The following ATP8B3 variants were observed in gnomAD, a reference collection of about 807,000 sequenced individuals.
ATP8B3 encodes the protein ATPase phospholipid transporting 8B3.
ATP8B3 carries 141 observed loss-of-function variants against 140.9 expected under a neutral mutation model. The observed-to-expected ratio is 1.00, with a 90% CI of 0.87 to 1.15. ATP8B3 has a LOEUF of 1.15. ATP8B3 is among the 50% of genes most tolerant of loss of function. ATP8B3 has a pLI of 0.00. For synonymous variants in ATP8B3, 765 were observed against 714.6 expected, an observed-to-expected ratio of 1.07 and a Z score of -1.13; for missense variants, 1,874 against 1,740.6, an observed-to-expected ratio of 1.08 and a Z score of -1.36.
At position 1,806,432 on chromosome 19, in the gene ATP8B3, G is replaced by C. The variant is rs962345965; in HGVS notation, c.677+196C>G. On this transcript the variant is annotated intron_variant, in intron 7 of 28. Transcript: ENST00000310127. The surrounding 1 kb of genome is among the most constrained non-coding windows in gnomAD (Gnocchi z 5.6). ...TCGCCCGAGCCCTAAGCTCTGCAAGGGTTCGCCATCAGGGCCTCGGCCTCT... is the reference window on the plus strand; with the variant it reads ...TCGCCCGAGCCCTAAGCTCTGCAAGCGTTCGCCATCAGGGCCTCGGCCTCT... 24 of 1,449,308 alleles carry C rather than the reference G, an allele frequency of 1.7e-5. No homozygotes were observed. The highest frequency in any genetic ancestry group is 2.2e-5 in the Non-Finnish European group (24 of 1,107,396). The allele number at this position is 1,449,308 out of a possible 1,614,324, so 89.8% of individuals were successfully genotyped here.
At chr19:1,793,846 G>C (rs577481593) in intron 18 of ATP8B3, among the ~76,000 whole-genome samples, 1 of 152,092 alleles carries the variant, frequency 6.6e-6, no homozygotes, top group Non-Finnish European at 1.5e-5. Flanking sequence ...GGGTTCAAGC[G>C]ATTCTCCTGC....
Position 1,792,062 on chromosome 19 carries a change from C to T in ATP8B3, c.2129G>A (p.Trp710Ter), listed in dbSNP as rs2068528969. The change falls in exon 19 of 29, where the codon TGG (tryptophan) becomes TAG (stop). Residue 710 changes from tryptophan to a stop codon, truncating the protein, a stop_gained. Coordinates refer to ENST00000310127, the MANE Select transcript of ATP8B3 (RefSeq NM_138813.4). LOFTEE classifies it high-confidence loss of function. ...GCTGGCCTCCTGGTGGCGCTGCTGC[C>T]AGTCCTCGTAAATGTCCTCAGCCAC... ...REVAEDIYEDWQQRHQEASLL... is the reference protein window; with the variant it reads ...REVAEDIYED 1 of 1,562,548 alleles carries T rather than the reference C, an allele frequency of 6.4e-7. No individual in the cohort carries two copies. The highest frequency in any genetic ancestry group is 8.7e-7 in the Non-Finnish European group (1 of 1,155,032).
rs375828266 is a variant in ATP8B3, at chr19:1,789,994, G to C, written c.2379-5C>G. 6 of 1,605,620 alleles carry C rather than the reference G, an allele frequency of 3.7e-6. No individual in the cohort carries two copies. The highest frequency in any genetic ancestry group is 5.1e-6 in the Non-Finnish European group (6 of 1,174,410). On this transcript the variant is annotated splice_region_variant and splice_polypyrimidine_tract_variant and intron_variant, in intron 21 of 28. Coordinates refer to ENST00000310127, the MANE Select transcript of ATP8B3 (RefSeq NM_138813.4). ...CAGTAGGTCTCCAGGATGCGGCTGC[G>C]GGGCGCAGGGGTCAGCGGGGCAGGG... is the stretch of plus-strand genomic sequence containing the variant.
At position 1,806,339 on chromosome 19, in the gene ATP8B3, A is replaced by T; in HGVS notation, c.678-170T>A. The T allele has an allele frequency of 3.4e-6, 5 of 1,460,090 alleles. No individual in the cohort carries two copies. The highest frequency in any genetic ancestry group is 4.5e-6 in the Non-Finnish European group (5 of 1,112,020). The allele number at this position is 1,460,090 out of a possible 1,614,324, so 90.4% of individuals were successfully genotyped here. A position where few individuals can be genotyped will look rare whatever the true frequency, so the allele number is the denominator to read the frequency against. On this transcript the variant is annotated intron_variant, in intron 7 of 28. Transcript: ENST00000310127. The surrounding 1 kb of genome is among the most constrained non-coding windows in gnomAD (Gnocchi z 5.6). ...CTCCCACCCCACTCCCCGCGGGTCC[A>T]CGCTCCCACCCAGTGACCTCCAGGG...
rs190621163 is a variant in ATP8B3 at position 1,786,490 on chromosome 19, C to T, written c.3153+613G>A. The stretch of plus-strand genomic sequence containing the variant: ...CTGAGGCAGGAGAATCGCTTGAACC[C>T]GGGAGGCAGAGGTTGCAGTGAGCTG... On this transcript the variant is annotated intron_variant, in intron 25 of 28. Transcript: ENST00000310127. Among the ~76,000 whole-genome samples the T allele has an allele frequency of 3.0e-3, 455 of 151,380 alleles. 6 individuals carry two copies. The East Asian group carries it at 0.045, about 15-fold the overall frequency.
At chr19:1,791,027 G>A (rs539708190) in intron 20 of ATP8B3, among the ~76,000 whole-genome samples, 195 bp from the exon 21 acceptor site, 2 of 152,336 alleles carry the variant, frequency 1.3e-5, no homozygotes, top group African/African-American at 4.8e-5. Flanking sequence ...GATTTTGGCT[G>A]TAGTTCTGGC....
Position 1,802,055 on chromosome 19 carries a change from G to A in ATP8B3, c.1064-11C>T. ...TTTTTGTGTCAAAACCTACAAACATGTATCCATCTATCCACCCACCCACCC... is the reference window on the plus strand; with the variant it reads ...TTTTTGTGTCAAAACCTACAAACATATATCCATCTATCCACCCACCCACCC... On this transcript the variant is annotated splice_polypyrimidine_tract_variant and intron_variant, in intron 11 of 28. Coordinates refer to ENST00000310127, the MANE Select transcript of ATP8B3 (RefSeq NM_138813.4). 1 of 1,594,970 alleles carries A rather than the reference G, an allele frequency of 6.3e-7. No homozygotes were observed. The highest frequency in any genetic ancestry group is 8.5e-7 in the Non-Finnish European group (1 of 1,172,382).
chr19:1,806,389 CTT>C lies in ATP8B3; in HGVS notation c.678-222_678-221del. 6.9e-7 allele frequency: 1 copy of C among 1,443,914 alleles called. No individual in the cohort carries two copies. The highest frequency in any genetic ancestry group is 1.5e-5 in the South Asian group (1 of 67,934). The allele number at this position is 1,443,914 out of a possible 1,614,324, so 89.4% of individuals were successfully genotyped here. On this transcript the variant is annotated intron_variant, in intron 7 of 28. Coordinates refer to ENST00000310127, the MANE Select transcript of ATP8B3 (RefSeq NM_138813.4). The surrounding 1 kb of genome is among the most constrained non-coding windows in gnomAD (Gnocchi z 5.6). ...GTCCTGCACCCACGTCCTCTTCAGA[CTT>C]TCCTTGTCCTCCCCATCGCCCGAGC... is the stretch of plus-strand genomic sequence containing the variant.
In ATP8B3 at chr19:1,806,753, G is replaced by A. The variant is rs1381456252; in HGVS notation, c.616-64C>T. On this transcript the variant is annotated intron_variant, in intron 6 of 28. Coordinates refer to ENST00000310127, the MANE Select transcript of ATP8B3 (RefSeq NM_138813.4). This position sits in a 1 kb window ranked among gnomAD's most constrained non-coding sequence, Gnocchi z 5.6. Reference sequence around the variant, plus strand: ...CTCTCCTGCCCCCGCCCAGGCCGCTGCCGCACTGCAGCCCAGCAGTGCCCG... The same window carrying A: ...CTCTCCTGCCCCCGCCCAGGCCGCTACCGCACTGCAGCCCAGCAGTGCCCG... 14 of 1,520,026 alleles carry A rather than the reference G, an allele frequency of 9.2e-6. No homozygotes were observed. Among genetic ancestry groups the A allele is most frequent in the Non-Finnish European group, 1.2e-5 (14 of 1,120,232 alleles). The allele number at this position is 1,520,026 out of a possible 1,614,324, so 94.2% of individuals were successfully genotyped here.
rs148438298 is a variant in ATP8B3 at position 1,799,846 on chromosome 19, G to A, written c.1552+101C>T. On this transcript the variant is annotated intron_variant, in intron 14 of 28. Coordinates refer to ENST00000310127, the MANE Select transcript of ATP8B3 (RefSeq NM_138813.4). ...CGGTTCCCTGGTTCAGATTCGGGCG[G>A]AGGTGCTGGGCATGGGGCCAGACGT... 2.0e-4 allele frequency: 234 copies of A among 1,198,824 alleles called. 1 individual carries two copies. The African/African-American group carries it at 3.2e-3, about 16-fold the overall frequency. The allele number at this position is 1,198,824 out of a possible 1,614,324, so 74.3% of individuals were successfully genotyped here.
At position 1,805,943 on chromosome 19, in the gene ATP8B3, G is replaced by A. The variant is rs1447680819; in HGVS notation, c.766C>T (p.Leu256=). ...AGGCTGCTGGGCTCCGTGCTGGCCAGCAAGAGCATGTCGGCCTGGTGTGGA... is the reference window on the plus strand; with the variant it reads ...AGGCTGCTGGGCTCCGTGCTGGCCAACAAGAGCATGTCGGCCTGGTGTGGA... The part of the protein sequence containing the change: ...DNIVPADMLL[L]ASTEPSSLCY... Residue 256 remains leucine, a synonymous_variant, in exon 9 of 29, where the codon CTG becomes TTG. Coordinates refer to ENST00000310127, the MANE Select transcript of ATP8B3 (RefSeq NM_138813.4). This position sits in a 1 kb window ranked among gnomAD's most constrained non-coding sequence, Gnocchi z 5.2. 6.2e-7 allele frequency: 1 copy of A among 1,612,688 alleles called. No homozygotes were observed. Among genetic ancestry groups the A allele is most frequent in the Non-Finnish European group, 8.5e-7 (1 of 1,179,858 alleles).
chr19:1,792,162 C>T (rs1380054059), intron 18 of ATP8B3, 27 bp from the exon 19 acceptor site: 2 of 1,547,612 alleles, frequency 1.3e-6, no homozygotes, highest in East Asian at 2.3e-5. Context: ...TGGAAGCTGT[C>T]ACCATGCTGA....
chr19:1,804,264 T>G (rs1220711631), intron 10 of ATP8B3, among the ~76,000 whole-genome samples: 1 of 151,518 alleles, frequency 6.6e-6, no homozygotes, highest in Non-Finnish European at 1.5e-5. Context: ...GAGGCCAAGG[T>G]GGGTGGATCA....
chr19:1,785,752 G>A, intron 25 of ATP8B3, 44 bp from the exon 26 acceptor site: 3 of 1,039,642 alleles, frequency 2.9e-6, no homozygotes, highest in South Asian at 2.7e-5. Context: ...GGGGGCGGGG[G>A]ACACCCAACA....
At position 1,805,293 on chromosome 19, in the gene ATP8B3, C is replaced by A. The variant is rs1414023214; in HGVS notation, c.904+81G>T. ...CCTGGCCAGCACCTTGTTTTAAAAA[C>A]AGTAATAACAACAACAAAATACCCT... is the stretch of plus-strand genomic sequence containing the variant. On this transcript the variant is annotated intron_variant, in intron 10 of 28. Transcript: ENST00000310127. This position sits in a 1 kb window ranked among gnomAD's most constrained non-coding sequence, Gnocchi z 5.2. 5.8e-6 allele frequency: 8 copies of A among 1,370,450 alleles called. No homozygotes were observed. The highest frequency in any genetic ancestry group is 8.1e-6 in the Non-Finnish European group (8 of 983,662). 84.9% of individuals were successfully genotyped at this position (1,370,450 alleles called of 1,614,324 possible). A position where few individuals can be genotyped will look rare whatever the true frequency, so the allele number is the denominator to read the frequency against.
rs2068603579 is a variant in ATP8B3 at position 1,794,263 on chromosome 19, T to C, written c.2055+1612A>G. On this transcript the variant is annotated intron_variant, in intron 18 of 28. Coordinates refer to ENST00000310127, the MANE Select transcript of ATP8B3 (RefSeq NM_138813.4). This position sits in a 1 kb window ranked among gnomAD's most constrained non-coding sequence, Gnocchi z 4.8. ...ACACAGCAGAGGAGCTTCACGGACATTGGCAGCCTCCGACAGGCCTTGACC... is the reference window on the plus strand; with the variant it reads ...ACACAGCAGAGGAGCTTCACGGACACTGGCAGCCTCCGACAGGCCTTGACC... 6.6e-6 allele frequency among the ~76,000 whole-genome samples: 1 copy of C among 152,126 alleles called. No homozygotes were observed. Among genetic ancestry groups the C allele is most frequent in the Admixed American group, 6.6e-5 (1 of 15,264 alleles).
At chr19:1,796,682 C>T in intron 16 of ATP8B3, 29 bp downstream of exon 16, 2 of 1,600,256 alleles carry the variant, frequency 1.2e-6, no homozygotes. Context: ...GCTGAGCGGC[C>T]TCAGAGATGG....
chr19:1,810,562 C>A, intron 3 of ATP8B3, 60 bp downstream of exon 3: 5 of 1,535,802 alleles, frequency 3.3e-6, no homozygotes, highest in South Asian at 2.4e-5. Context: ...CCACGCCTGG[C>A]CAGCCCTGAA....
intron 3 of ATP8B3, 63 bp downstream of exon 3, chr19:1,810,559 T>A: frequency 6.6e-7 from 1 of 1,521,870 alleles, no homozygotes; most frequent in South Asian, 1.2e-5. Flanking sequence ...CCACCACGCC[T>A]GGCCAGCCCT....
Sources: allele counts gnomAD v4.1 joint callset (sites outside exome capture counted in the v4.1 genomes callset), GRCh38; gene constraint gnomAD v4.1.1; non-coding constraint Gnocchi (gnomAD v3.1); transcripts MANE v1.5; gene names NCBI Gene and HGNC (gene_info 2026-07-23, HGNC 2026-07-21).